The following ADAM23 variants were observed in gnomAD, a reference collection of about 807,000 sequenced individuals.
The protein encoded by ADAM23 is ADAM metallopeptidase domain 23, also known as disintegrin and metalloproteinase domain-containing protein 23.
A neutral mutation model predicts 120.1 loss-of-function variants in ADAM23; 33 were observed. That is an observed-to-expected ratio of 0.27 (90% confidence interval 0.21 to 0.37). ADAM23 has a LOEUF of 0.37. ADAM23 is among the 10% of genes least tolerant of loss of function. The pLI, the probability that ADAM23 is intolerant of heterozygous loss-of-function variation, is 1.00. For synonymous variants in ADAM23, 367 were observed against 375.2 expected, an observed-to-expected ratio of 0.98 and a Z score of 0.25; for missense variants, 862 against 1,058.2, an observed-to-expected ratio of 0.81 and a Z score of 2.57.
At chr2:206,478,408 GT>G (rs564014244) in intron 2 of ADAM23, among the ~76,000 whole-genome samples, 27 of 149,278 alleles carry the variant, frequency 1.8e-4, no homozygotes, top group Admixed American at 1.4e-3. Flanking sequence ...ATAAAATCAG[GT>G]TTTTTTTTTC....
At chr2:206,587,550 A>G (rs1407539651) in intron 19 of ADAM23, among the ~76,000 whole-genome samples, 175 bp downstream of exon 19, 1 of 151,124 alleles carries the variant, frequency 6.6e-6, no homozygotes, top group Non-Finnish European at 1.5e-5. Flanking sequence ...AAATATATTT[A>G]CCTCTGGTGA....
At chr2:206,505,350 A>C (rs1419538068) in intron 3 of ADAM23, among the ~76,000 whole-genome samples, 1 of 152,184 alleles carries the variant, frequency 6.6e-6, no homozygotes, top group African/African-American at 2.4e-5. Context: ...TTTTGTTCTC[A>C]CAGCAACCGG....
chr2:206,522,049 T>A (rs113668288), intron 3 of ADAM23, among the ~76,000 whole-genome samples: 2 of 152,160 alleles, frequency 1.3e-5, no homozygotes, highest in Non-Finnish European at 1.5e-5. Context: ...CTTTTTTTCA[T>A]GAGTTGCATG....
intron 18 of ADAM23, among the ~76,000 whole-genome samples, chr2:206,575,861 T>C (rs2105835148): frequency 6.6e-6 from 1 of 152,234 alleles, no homozygotes; most frequent in Non-Finnish European, 1.5e-5. Context: ...CATTGGTCAG[T>C]CACTCCACCT....
At chr2:206,468,662 T>G (rs1695590756) in intron 2 of ADAM23, among the ~76,000 whole-genome samples, 1 of 152,226 alleles carries the variant, frequency 6.6e-6, no homozygotes, top group Non-Finnish European at 1.5e-5. Flanking sequence ...TTCCAGCCTC[T>G]GCCTGTTACC....
intron 3 of ADAM23, among the ~76,000 whole-genome samples, chr2:206,502,241 A>G (rs115408605): frequency 9.2e-5 from 14 of 152,158 alleles, no homozygotes; most frequent in Middle Eastern, 3.2e-3. Context: ...CTTTGGCCAT[A>G]GTCTTTGTTC....
chr2:206,601,962 T>C (rs186384759), intron 24 of ADAM23, among the ~76,000 whole-genome samples: 1 of 152,296 alleles, frequency 6.6e-6, no homozygotes, highest in East Asian at 1.9e-4. Flanking sequence ...ATTTTTAAAA[T>C]AATAGTTTTG....
rs183999885 is a variant in ADAM23 at position 206,511,451 on chromosome 2, G to A, written c.510-19434G>A. On this transcript the variant is annotated intron_variant, in intron 3 of 25. Coordinates refer to ENST00000264377, the MANE Select transcript of ADAM23 (RefSeq NM_003812.4). ...CAGAGTGTGGGGAGGAGAGCCAGTG[G>A]GGACAGGGAGGGAAGAGTGAGCCAG... Among the ~76,000 whole-genome samples the A allele has an allele frequency of 1.1e-3, 170 of 152,310 alleles. 1 individual carries two copies. Among genetic ancestry groups the A allele is most frequent in the African/African-American group, 3.9e-3 (163 of 41,570 alleles).
chr2:206,478,476 G>T (rs1343899591), intron 2 of ADAM23, among the ~76,000 whole-genome samples: 1 of 151,918 alleles, frequency 6.6e-6, no homozygotes, highest in East Asian at 1.9e-4. Flanking sequence ...GTTCTGGAGA[G>T]TAATCTGTTA....
intron 3 of ADAM23, among the ~76,000 whole-genome samples, chr2:206,491,834 A>G (rs926061260): frequency 2.4e-4 from 37 of 152,328 alleles, no homozygotes; most frequent in African/African-American, 7.2e-4. Context: ...AGGGCATTCA[A>G]TAGCATAATG....
intron 4 of ADAM23, among the ~76,000 whole-genome samples, chr2:206,532,720 T>G (rs1697091602): frequency 6.6e-6 from 1 of 152,172 alleles, no homozygotes; most frequent in African/African-American, 2.4e-5. Flanking sequence ...TTAAGTAATC[T>G]TCTAAACCTT....
chr2:206,545,247 G>T (rs1697371973), intron 6 of ADAM23, among the ~76,000 whole-genome samples: 1 of 152,122 alleles, frequency 6.6e-6, no homozygotes, highest in Non-Finnish European at 1.5e-5. Context: ...TAGCACTTTG[G>T]GAGGCTGAGG....
chr2:206,574,486 A>T (rs1475528294), intron 18 of ADAM23, among the ~76,000 whole-genome samples: 2 of 139,946 alleles, frequency 1.4e-5, no homozygotes, highest in Admixed American at 7.3e-5. Context: ...TATATGATTT[A>T]TACCCAACTA....
chr2:206,516,076 G>T (rs940824044), intron 3 of ADAM23, among the ~76,000 whole-genome samples: 6 of 151,686 alleles, frequency 4.0e-5, no homozygotes, highest in Non-Finnish European at 8.8e-5. Context: ...TAATAAAATG[G>T]ACATTCGTAT....
At chr2:206,460,205 G>A (rs960540191) in intron 2 of ADAM23, among the ~76,000 whole-genome samples, 1 of 150,860 alleles carries the variant, frequency 6.6e-6, no homozygotes, top group Non-Finnish European at 1.5e-5. Flanking sequence ...TGCTCTTTAT[G>A]TTTGTGTATT....
chr2:206,588,101 A>T lies in ADAM23; in HGVS notation c.1799A>T (p.Tyr600Phe). Reference protein sequence around the residue: ...YACNQNQGRCYNGECKTRDNQ... With the variant: ...YACNQNQGRCFNGECKTRDNQ... ...TGCTCCTGTCCCCAGGGCCGCTGCTACAATGGCGAGTGCAAGACCAGAGAC... is the reference window on the plus strand; with the variant it reads ...TGCTCCTGTCCCCAGGGCCGCTGCTTCAATGGCGAGTGCAAGACCAGAGAC... The change falls in exon 20 of 26, where the codon TAC becomes TTC. Residue 600 changes from tyrosine (Y) to phenylalanine (F), a missense_variant. Tyr to Phe is a conservative substitution (Grantham distance 22, BLOSUM62 3). This residue lies in a region of ADAM23 where 617 missense variants were observed against 813.5 expected (regional missense o/e 0.76). Coordinates refer to ENST00000264377, the MANE Select transcript of ADAM23 (RefSeq NM_003812.4). 6.2e-7 allele frequency: 1 copy of T among 1,614,142 alleles called. No homozygotes were observed. The highest frequency in any genetic ancestry group is 8.5e-7 in the Non-Finnish European group (1 of 1,179,970).
At chr2:206,571,895 G>A in intron 17 of ADAM23, 79 bp downstream of exon 17, 1 of 1,291,564 alleles carries the variant, frequency 7.7e-7, no homozygotes, top group Non-Finnish European at 1.1e-6. Context: ...GAGCATTTGT[G>A]TAGCTTGTCA....
intron 6 of ADAM23, among the ~76,000 whole-genome samples, chr2:206,545,889 A>G (rs561397579): frequency 1.5e-4 from 23 of 152,358 alleles, no homozygotes; most frequent in South Asian, 4.1e-4. Flanking sequence ...AGAACAAAAC[A>G]CAGATTCCCA....
intron 3 of ADAM23, among the ~76,000 whole-genome samples, chr2:206,504,578 T>G (rs189585679): frequency 9.2e-5 from 14 of 152,312 alleles, no homozygotes; most frequent in Admixed American, 8.5e-4. Context: ...AAGAGTATCA[T>G]GAATCTGAAA....
Sources: allele counts gnomAD v4.1 joint callset (sites outside exome capture counted in the v4.1 genomes callset), GRCh38; gene constraint gnomAD v4.1.1; regional missense constraint gnomAD v4.1.1; transcripts MANE v1.5; gene names NCBI Gene and HGNC (gene_info 2026-07-23, HGNC 2026-07-21).